The following FBXO25 variants were observed in gnomAD, a reference collection of about 807,000 sequenced individuals.
FBXO25 encodes F-box protein 25.
A neutral mutation model predicts 51.9 loss-of-function variants in FBXO25; 45 were observed. That is an observed-to-expected ratio of 0.87 (90% CI 0.68 to 1.11). The LOEUF is 1.11. FBXO25 is among the 50% of genes most tolerant of loss of function. The pLI is 0.00. For synonymous variants in FBXO25, 199 were observed against 151.0 expected (o/e 1.32, Z -2.33); for missense variants, 507 against 428.5 (o/e 1.18, Z -1.62).
At position 458,537 on chromosome 8, in the gene FBXO25, T is replaced by A. The variant is rs1226123861; in HGVS notation, c.829T>A (p.Phe277Ile). ...QLWKKLCQYH[F>I]AEKQFCRHLI... ...GTGGAAGAAGCTTTGTCAGTACCATTTTGCTGAAAAGCAGGTGAGTGGGAT... is the reference window on the plus strand; with the variant it reads ...GTGGAAGAAGCTTTGTCAGTACCATATTGCTGAAAAGCAGGTGAGTGGGAT... Residue 277 changes from phenylalanine to isoleucine, a missense_variant, in exon 8 of 10, where the codon TTT (phenylalanine) becomes ATT (isoleucine). Phe to Ile is a conservative substitution (Grantham distance 21). Coordinates refer to ENST00000350302, the MANE Select transcript of FBXO25 (RefSeq NM_183420.2). 1 of 1,614,046 alleles carries A rather than the reference T, an allele frequency of 6.2e-7. No individual in the cohort carries two copies. Among genetic ancestry groups the A allele is most frequent in the South Asian group, 1.1e-5 (1 of 91,052 alleles).
chr8:444,384 G>A (rs1313965655), intron 5 of FBXO25, among the ~76,000 whole-genome samples: 1 of 152,174 alleles, frequency 6.6e-6, no homozygotes, highest in African/African-American at 2.4e-5. Flanking sequence ...AGGGTGTTCA[G>A]GAGTGGACCT....
At chr8:414,664 C>G (rs1472821915) in intron 2 of FBXO25, among the ~76,000 whole-genome samples, 6 of 152,164 alleles carry the variant, frequency 3.9e-5, no homozygotes, top group African/African-American at 1.4e-4. Flanking sequence ...CTTTGCATAA[C>G]TGGCTACCCC....
chr8:466,769 T>A (rs1800185136), intron 9 of FBXO25, among the ~76,000 whole-genome samples: 1 of 152,192 alleles, frequency 6.6e-6, no homozygotes, highest in Non-Finnish European at 1.5e-5. Context: ...TTAACTTTTC[T>A]ACCTGCCTTA....
intron 2 of FBXO25, among the ~76,000 whole-genome samples, chr8:428,176 A>G (rs1425561740): frequency 1.3e-5 from 2 of 152,164 alleles, no homozygotes. Flanking sequence ...ATGGAAAGGA[A>G]CTTGGAAAAG....
At chr8:467,841 G>C (rs887482355) in intron 9 of FBXO25, 122 of 1,595,692 alleles carry the variant, frequency 7.6e-5, no homozygotes, top group Non-Finnish European at 1.0e-4. Context: ...TGCCCGGCTC[G>C]ATTCCAGCTC....
At chr8:468,208 G>A (rs1486181689) in intron 9 of FBXO25, 3 of 1,009,754 alleles carry the variant, frequency 3.0e-6, no homozygotes, top group East Asian at 1.0e-4. Flanking sequence ...CTCCCTTGGA[G>A]CAAGCAGGAG....
At chr8:453,366 G>A (rs977605872) in intron 7 of FBXO25, among the ~76,000 whole-genome samples, 2 of 152,114 alleles carry the variant, frequency 1.3e-5, no homozygotes, top group African/African-American at 4.8e-5. Context: ...AGCTTGGCAT[G>A]TGCCTCTGTG....
At chr8:409,748 TTC>T (rs4045403) in intron 1 of FBXO25, among the ~76,000 whole-genome samples, 8,939 of 152,170 alleles carry the variant, frequency 0.059, 275 homozygotes, top group Middle Eastern at 0.082. Flanking sequence ...AGTTGTTTTT[TTC>T]TGTCTCCATG....
chr8:463,586 A>G (rs1407134615), intron 9 of FBXO25, among the ~76,000 whole-genome samples: 2 of 152,232 alleles, frequency 1.3e-5, no homozygotes, highest in African/African-American at 4.8e-5. Context: ...GGACCAGCTT[A>G]GGCTTCATTT....
intron 2 of FBXO25, among the ~76,000 whole-genome samples, chr8:414,959 G>A: frequency 6.6e-6 from 1 of 152,182 alleles, no homozygotes; most frequent in South Asian, 2.1e-4. Flanking sequence ...GTGGGTAGAG[G>A]CTGTTGGTGA....
chr8:474,464 G>C lies in FBXO25; in HGVS notation c.*5660G>C. 1 of 306,172 alleles carries C rather than the reference G, an allele frequency of 3.3e-6. No homozygotes were observed. Among genetic ancestry groups the C allele is most frequent in the South Asian group, 2.8e-5 (1 of 35,652 alleles). 19.0% of individuals were successfully genotyped at this position (306,172 alleles called of 1,614,324 possible). ...GGCAATCCTATGTTTAATTTCTTAG[G>C]GCACTGCCATAAGTGTTTTACACGG... is the stretch of plus-strand genomic sequence containing the variant. On this transcript the variant is annotated 3_prime_UTR_variant, in exon 10 of 10. Transcript: ENST00000350302.
At chr8:422,894 G>T (rs975315186) in intron 2 of FBXO25, among the ~76,000 whole-genome samples, 1 of 152,056 alleles carries the variant, frequency 6.6e-6, no homozygotes, top group Non-Finnish European at 1.5e-5. Flanking sequence ...GTTACGGGAG[G>T]TACACAGGTC....
intron 7 of FBXO25, among the ~76,000 whole-genome samples, chr8:455,362 T>G (rs1348167207): frequency 6.6e-6 from 1 of 152,164 alleles, no homozygotes; most frequent in Non-Finnish European, 1.5e-5. Context: ...AAGAATGAAC[T>G]TGGGGATACT....
chr8:460,146 A>G (rs1432777420), intron 8 of FBXO25, among the ~76,000 whole-genome samples: 3 of 152,150 alleles, frequency 2.0e-5, no homozygotes, highest in Non-Finnish European at 2.9e-5. Context: ...GACACTCCCT[A>G]TCACGTGCAG....
rs182732813 is a variant in FBXO25, at chr8:448,293, T to A, written c.382-1697T>A. Reference sequence around the variant, plus strand: ...CTGGGGAAGGTTGACTGAGAACAGGTTATGAGTGTGCCATATCCTACAGGA... The same window carrying A: ...CTGGGGAAGGTTGACTGAGAACAGGATATGAGTGTGCCATATCCTACAGGA... On this transcript the variant is annotated intron_variant, in intron 5 of 9. Transcript: ENST00000350302. 2.8e-3 allele frequency among the ~76,000 whole-genome samples: 423 copies of A among 152,206 alleles called. 2 individuals are homozygous for A. The highest frequency in any genetic ancestry group is 9.7e-3 in the African/African-American group (402 of 41,536).
chr8:438,868 C>A (rs1274513758), intron 5 of FBXO25, among the ~76,000 whole-genome samples: 1 of 152,220 alleles, frequency 6.6e-6, no homozygotes, highest in African/African-American at 2.4e-5. Context: ...CAGCAGCATT[C>A]CCTGGCCCTT....
chr8:437,592 A>G (rs997502526), intron 5 of FBXO25, among the ~76,000 whole-genome samples: 2 of 152,248 alleles, frequency 1.3e-5, no homozygotes, highest in Admixed American at 1.3e-4. Flanking sequence ...GCTAAAAACA[A>G]AAACAAGAAG....
At chr8:422,512 A>C (rs1563067347) in intron 2 of FBXO25, among the ~76,000 whole-genome samples, 2 of 152,136 alleles carry the variant, frequency 1.3e-5, no homozygotes, top group Non-Finnish European at 1.5e-5. Flanking sequence ...TGGCCTGGCA[A>C]AACAACAAAG....
intron 2 of FBXO25, among the ~76,000 whole-genome samples, chr8:430,086 C>T (rs1352739822): frequency 6.6e-6 from 1 of 152,212 alleles, no homozygotes; most frequent in African/African-American, 2.4e-5. Flanking sequence ...TGAGATTAGT[C>T]AGCAGTCCTG....
Sources: gnomAD v4.1 joint callset for allele counts (sites outside exome capture counted in the v4.1 genomes callset) on GRCh38, gnomAD v4.1.1 for gene constraint, MANE v1.5 for transcripts, NCBI Gene and HGNC (gene_info 2026-07-23, HGNC 2026-07-21) for gene names.